Variants in BTN2A2 observed in about 807,000 individuals in gnomAD.
BTN2A2 encodes the protein butyrophilin subfamily 2 member A2.
In BTN2A2, 29 loss-of-function variants were observed where a neutral mutation model predicts 34.7. That is an observed-to-expected ratio of 0.84 (90% CI 0.62 to 1.14). BTN2A2 has a LOEUF of 1.14. Ranked by LOEUF, BTN2A2 falls within the 50% of genes most tolerant of loss-of-function variation. The pLI is 0.00. For synonymous variants in BTN2A2, 240 were observed against 253.1 expected (o/e 0.95, Z 0.49); for missense variants, 612 against 651.5 (o/e 0.94, Z 0.66).
At position 26,393,126 on chromosome 6, in the gene BTN2A2, A is replaced by C; in HGVS notation, c.*159A>C. The C allele has an allele frequency of 6.2e-7, 1 of 1,606,900 alleles. No homozygotes were observed. The highest frequency in any genetic ancestry group is 1.3e-5 in the African/African-American group (1 of 74,928). ...CACACCCACTCCAGCCCTCTGCCCC[A>C]GTTTTCTCCTCCTCACTAGTCTGTG... On this transcript the variant is annotated 3_prime_UTR_variant, in exon 8 of 8. Coordinates refer to ENST00000356709, the MANE Select transcript of BTN2A2 (RefSeq NM_006995.5).
In BTN2A2 at chr6:26,385,194, C is replaced by G; in HGVS notation, c.274C>G (p.Gln92Glu). Residue 92 changes from glutamine to glutamate, a missense_variant, in exon 3 of 8, where the codon CAG becomes GAG. Coordinates refer to ENST00000356709, the MANE Select transcript of BTN2A2 (RefSeq NM_006995.5). ...YKGGRERTEEQMEEYRGRITF... is the reference protein window; with the variant it reads ...YKGGRERTEEEMEEYRGRITF... The stretch of plus-strand genomic sequence containing the variant: ...GGGTGGGAGAGAGAGAACAGAGGAG[C>G]AGATGGAGGAGTACCGGGGAAGAAT... The G allele has an allele frequency of 1.2e-6, 2 of 1,613,962 alleles. No homozygotes were observed. The highest frequency in any genetic ancestry group is 1.7e-6 in the Non-Finnish European group (2 of 1,179,974).
chr6:26,392,249 C>T (rs745648315), intron 7 of BTN2A2, 126 bp from the exon 8 acceptor site: 3 of 1,560,268 alleles, frequency 1.9e-6, no homozygotes, highest in Non-Finnish European at 2.6e-6. Context: ...ATCAGGGGAC[C>T]TTCATGGAAA....
Position 26,390,022 on chromosome 6 carries a change from G to T in BTN2A2, c.742G>T (p.Ala248Ser), listed in dbSNP as rs780217318. The stretch of plus-strand genomic sequence containing the variant: ...CTTTTCAGAATCCTTTATGCCCAGC[G>T]CATCTCCCTGGATGGTGGCCCTAGC... ...IFIPESFMPS[A>S]SPWMVALAVI... The change falls in exon 5 of 8, where the codon GCA becomes TCA. Residue 248 changes from alanine (A) to serine (S), a missense_variant. By Grantham distance (99) the Ala-to-Ser change is moderately conservative (BLOSUM62 1). Transcript: ENST00000356709. The T allele has an allele frequency of 1.9e-6, 3 of 1,613,742 alleles. No individual in the cohort carries two copies. The highest frequency in any genetic ancestry group is 3.3e-5 in the Admixed American group (2 of 59,948).
chr6:26,384,083 C>G lies in BTN2A2; in HGVS notation c.94+168C>G, dbSNP rs1409264663. On this transcript the variant is annotated intron_variant, in intron 2 of 7. Coordinates refer to ENST00000356709, the MANE Select transcript of BTN2A2 (RefSeq NM_006995.5). This position sits in a 1 kb window ranked among gnomAD's most constrained non-coding sequence, Gnocchi z 4.0. ...TGTCCAAAAGAAACACAGTGAAGCA[C>G]AAAGGTCAAGTGCATATACAAGTGC... 1.3e-5 allele frequency among the ~76,000 whole-genome samples: 2 copies of G among 152,178 alleles called. No individual in the cohort carries two copies. The highest frequency in any genetic ancestry group is 4.8e-5 in the African/African-American group (2 of 41,442).
chr6:26,390,043 C>T lies in BTN2A2; in HGVS notation c.763C>T (p.Leu255=). 1 of 1,614,056 alleles carries T rather than the reference C, an allele frequency of 6.2e-7. No homozygotes were observed. The highest frequency in any genetic ancestry group is 8.5e-7 in the Non-Finnish European group (1 of 1,180,022). Residue 255 remains leucine, a synonymous_variant, in exon 5 of 8, where the codon CTA becomes TTA. Transcript: ENST00000356709. ...MPSASPWMVA[L]AVILTASPWM... ...CAGCGCATCTCCCTGGATGGTGGCCCTAGCTGTCATCCTGACCGCATCTCC... is the reference window on the plus strand; with the variant it reads ...CAGCGCATCTCCCTGGATGGTGGCCTTAGCTGTCATCCTGACCGCATCTCC...
chr6:26,390,415 T>C, intron 5 of BTN2A2: 1 of 687,616 alleles, frequency 1.5e-6, no homozygotes, highest in Non-Finnish European at 2.4e-6. Context: ...AGAGCTTTCT[T>C]TCTTCCATGC....
At chr6:26,387,840 A>G (rs1391528742) in intron 3 of BTN2A2, among the ~76,000 whole-genome samples, 173 bp from the exon 4 acceptor site, 1 of 152,242 alleles carries the variant, frequency 6.6e-6, no homozygotes, top group African/African-American at 2.4e-5. Context: ...CAGGTGGAGC[A>G]TAAAGAAAAG....
In BTN2A2 at chr6:26,388,045, G is replaced by A. The variant is rs1189451952; in HGVS notation, c.475G>A (p.Ala159Thr). The A allele has an allele frequency of 1.2e-6, 2 of 1,613,972 alleles. No individual in the cohort carries two copies. Among genetic ancestry groups the A allele is most frequent in the South Asian group, 1.1e-5 (1 of 91,072 alleles). ...GTCTAAGCCCCTCATTGAAATCAAG[G>A]CCCAAGAGGATGGGAGCATCTGGCT... Reference protein sequence around the residue: ...LGSKPLIEIKAQEDGSIWLEC... With the variant: ...LGSKPLIEIKTQEDGSIWLEC... The change falls in exon 4 of 8, where the codon GCC becomes ACC. Residue 159 changes from alanine to threonine, a missense_variant. Ala to Thr is a moderately conservative substitution (Grantham distance 58, BLOSUM62 0). Transcript: ENST00000356709.
intron 3 of BTN2A2, 54 bp from the exon 4 acceptor site, chr6:26,387,959 A>T: frequency 6.5e-7 from 1 of 1,547,088 alleles, no homozygotes; most frequent in Non-Finnish European, 8.8e-7. Context: ...ATCAAGGTGC[A>T]GTAGGGGCTA....
rs955307402 is a variant in BTN2A2 at position 26,393,395 on chromosome 6, A to G, written c.*428A>G. On this transcript the variant is annotated 3_prime_UTR_variant, in exon 8 of 8. Coordinates refer to ENST00000356709, the MANE Select transcript of BTN2A2 (RefSeq NM_006995.5). ...GAGAGGAATCCACAGGACCACCAGAAGGGAGAGGGAACCAGATATGCAGAT... is the reference window on the plus strand; with the variant it reads ...GAGAGGAATCCACAGGACCACCAGAGGGGAGAGGGAACCAGATATGCAGAT... 3.7e-5 allele frequency: 42 copies of G among 1,130,846 alleles called. No homozygotes were observed. In the African/African-American group the frequency reaches 5.7e-4, roughly 15 times the overall value. The allele number at this position is 1,130,846 out of a possible 1,614,324, so 70.1% of individuals were successfully genotyped here. A position where few individuals can be genotyped will look rare whatever the true frequency, so the allele number is the denominator to read the frequency against.
At position 26,386,278 on chromosome 6, in the gene BTN2A2, T is replaced by C. The variant is rs9467743; in HGVS notation, c.442+916T>C. Among the ~76,000 whole-genome samples, 14 of 151,992 alleles carry C rather than the reference T, an allele frequency of 9.2e-5. No individual in the cohort carries two copies. In the South Asian group the frequency reaches 2.5e-3, roughly 27 times the overall value. On this transcript the variant is annotated intron_variant, in intron 3 of 7. Transcript: ENST00000356709. ...AATGCACTTAAACTGGGATTTCTAA[T>C]AGTTTGTTAAAAGTGACACTAAGTG... is the stretch of plus-strand genomic sequence containing the variant.
At chr6:26,389,978 A>G in intron 4 of BTN2A2, 27 bp from the exon 5 acceptor site, 1 of 1,607,914 alleles carries the variant, frequency 6.2e-7, no homozygotes, top group Non-Finnish European at 8.5e-7. Context: ...TTTCAAACTA[A>G]ATGGACTTTT....
intron 3 of BTN2A2, among the ~76,000 whole-genome samples, chr6:26,387,577 A>AG (rs1290154624): frequency 6.9e-6 from 1 of 144,894 alleles, no homozygotes; most frequent in East Asian, 1.9e-4. Flanking sequence ...CAAAAAAAAA[A>AG]AAAAAAGAAA....
rs1217704162 is a variant in BTN2A2, at chr6:26,390,812, G to T, written c.962G>T (p.Arg321Ile). 1 of 1,614,226 alleles carries T rather than the reference G, an allele frequency of 6.2e-7. No individual in the cohort carries two copies. Among genetic ancestry groups the T allele is most frequent in the East Asian group, 2.2e-5 (1 of 44,886 alleles). The change falls in exon 7 of 8, where the codon AGA (arginine) becomes ATA (isoleucine). Residue 321 changes from arginine (R) to isoleucine (I), a missense_variant. Physicochemically the swap from Arg to Ile is moderately conservative, Grantham distance 97 (BLOSUM62 -3). Coordinates refer to ENST00000356709, the MANE Select transcript of BTN2A2 (RefSeq NM_006995.5). ...TGTCTGTCCCTTGCAGGATGGAGAA[G>T]AACATTCTTACATGCTGGTGAGTGC... The part of the protein sequence containing the change: ...QQLQEELRWR[R>I]TFLHAADVVL...
chr6:26,392,812 C>T lies in BTN2A2; in HGVS notation c.1417C>T (p.Arg473Cys), dbSNP rs145542993. ...CAGATCGCACATCTACACATGTCCC[C>T]GTTCAGCCTTTACTGTGCCTGTGAG... The part of the protein sequence containing the change: ...RDRSHIYTCP[R>C]SAFTVPVRPF... Residue 473 changes from arginine to cysteine, a missense_variant, in exon 8 of 8, where the codon CGT becomes TGT. Physicochemically the swap from Arg to Cys is radical, Grantham distance 180. Transcript: ENST00000356709. 7.4e-6 allele frequency: 12 copies of T among 1,614,080 alleles called. No homozygotes were observed. The highest frequency in any genetic ancestry group is 3.3e-4 in the Middle Eastern group (2 of 6,084).
intron 5 of BTN2A2, 22 bp downstream of exon 5, chr6:26,390,233 T>A: frequency 6.2e-7 from 1 of 1,604,790 alleles, no homozygotes; most frequent in Non-Finnish European, 8.5e-7. Context: ...GTAAAGAAAG[T>A]GTGGAAAAAT....
intron 7 of BTN2A2, 24 bp from the exon 8 acceptor site, chr6:26,392,351 A>G (rs750873586): frequency 6.2e-7 from 1 of 1,614,174 alleles, no homozygotes; most frequent in African/African-American, 1.3e-5. Flanking sequence ...GACCCCAGGC[A>G]TAAACCTGAG....
At chr6:26,391,349 G>A (rs1252986382) in intron 7 of BTN2A2, 1 of 165,870 alleles carries the variant, frequency 6.0e-6, no homozygotes, top group Non-Finnish European at 1.3e-5. Flanking sequence ...GTCTGCCAGG[G>A]GAAGGGGTTT....
intron 5 of BTN2A2, chr6:26,390,456 A>G: frequency 2.9e-6 from 2 of 678,964 alleles, no homozygotes; most frequent in South Asian, 1.9e-5. Context: ...ACCTGGCTAT[A>G]TGCAGCACTA....
Sources: allele counts gnomAD v4.1 joint callset (sites outside exome capture counted in the v4.1 genomes callset), GRCh38; gene constraint gnomAD v4.1.1; non-coding constraint Gnocchi (gnomAD v3.1); transcripts MANE v1.5; gene names NCBI Gene and HGNC (gene_info 2026-07-23, HGNC 2026-07-21).